CPQ: variants seen among roughly 807,000 people sequenced by gnomAD.
CPQ encodes the protein carboxypeptidase Q, also known as Ser-Met dipeptidase.
A neutral mutation model predicts 45.7 loss-of-function variants in CPQ; 37 were observed. The observed-to-expected ratio is 0.81, with a 90% CI of 0.62 to 1.07. The LOEUF (loss-of-function observed/expected upper bound fraction) is 1.07, where lower values mean the gene tolerates loss of function less well. Among genes scored for constraint, CPQ ranks in the 50% least tolerant of loss-of-function variants. The pLI, the probability that CPQ is intolerant of heterozygous loss-of-function variation, is 0.00. For synonymous variants in CPQ, 186 were observed against 205.8 expected, an observed-to-expected ratio of 0.90 and a Z score of 0.82; for missense variants, 537 against 572.9, an observed-to-expected ratio of 0.94 and a Z score of 0.64.
At chr8:97,121,518 T>C (rs1174738273) in intron 7 of CPQ, among the ~76,000 whole-genome samples, 1 of 152,128 alleles carries the variant, frequency 6.6e-6, no homozygotes, top group Non-Finnish European at 1.5e-5. Flanking sequence ...AAGGATCAAG[T>C]ACATCTAGAG....
intron 1 of CPQ, among the ~76,000 whole-genome samples, chr8:96,674,639 A>G (rs530831944): frequency 3.7e-4 from 56 of 152,290 alleles, no homozygotes; most frequent in Admixed American, 1.8e-3. Flanking sequence ...AAGAGGAAAG[A>G]GATTCAAACA....
chr8:96,738,648 C>A (rs908458186), intron 1 of CPQ, among the ~76,000 whole-genome samples: 2 of 152,000 alleles, frequency 1.3e-5, no homozygotes, highest in African/African-American at 4.8e-5. Context: ...GTGTGATGTT[C>A]CCCTTCCTGT....
chr8:96,719,435 G>C (rs964573951), intron 1 of CPQ, among the ~76,000 whole-genome samples: 1 of 152,150 alleles, frequency 6.6e-6, no homozygotes, highest in Non-Finnish European at 1.5e-5. Context: ...CGCAAGCACC[G>C]CACGCAGTCC....
intron 6 of CPQ, among the ~76,000 whole-genome samples, chr8:97,039,658 A>G (rs1810078047): frequency 7.2e-6 from 1 of 139,388 alleles, no homozygotes; most frequent in Admixed American, 7.4e-5. Context: ...AACAGTCCCC[A>G]GAGTGTGATG....
At chr8:97,042,934 G>C (rs1444371624) in intron 6 of CPQ, among the ~76,000 whole-genome samples, 3 of 151,976 alleles carry the variant, frequency 2.0e-5, no homozygotes, top group Non-Finnish European at 4.4e-5. Context: ...AATCGGTGTG[G>C]TGTGGTGCTG....
At chr8:96,796,378 A>G (rs1810929101) in intron 2 of CPQ, among the ~76,000 whole-genome samples, 1 of 151,862 alleles carries the variant, frequency 6.6e-6, no homozygotes, top group Non-Finnish European at 1.5e-5. Flanking sequence ...ATAATTCATT[A>G]TTAATGAATT....
intron 3 of CPQ, among the ~76,000 whole-genome samples, chr8:96,866,260 A>G (rs1285937018): frequency 6.6e-6 from 1 of 152,058 alleles, no homozygotes; most frequent in Non-Finnish European, 1.5e-5. Context: ...AATTCTGGTA[A>G]TTGGTAAATA....
At chr8:97,049,313 A>C (rs1265453801) in intron 6 of CPQ, among the ~76,000 whole-genome samples, 1 of 152,224 alleles carries the variant, frequency 6.6e-6, no homozygotes, top group Non-Finnish European at 1.5e-5. Context: ...AGTGATATTT[A>C]TGTGAGTACA....
Position 96,741,671 on chromosome 8 carries a change from T to G in CPQ, c.-34-43193T>G, listed in dbSNP as rs546343913. On this transcript the variant is annotated intron_variant, in intron 1 of 7. Coordinates refer to ENST00000220763, the MANE Select transcript of CPQ (RefSeq NM_016134.4). The stretch of plus-strand genomic sequence containing the variant: ...ATGCGTCCCAGAGATTCTGGTATGT[T>G]GTGTCTTTGTTCTCGTTGGTTTCAA... Among the ~76,000 whole-genome samples the G allele has an allele frequency of 7.8e-3, 1,188 of 152,308 alleles. 21 individuals are homozygous for G. Among genetic ancestry groups the G allele is most frequent in the African/African-American group, 0.027 (1,123 of 41,552 alleles).
intron 5 of CPQ, among the ~76,000 whole-genome samples, chr8:96,975,340 A>T (rs552269201): frequency 1.9e-3 from 285 of 152,054 alleles, no homozygotes; most frequent in African/African-American, 6.4e-3. Flanking sequence ...AATGGTAATT[A>T]AAAAAAATTC....
intron 4 of CPQ, among the ~76,000 whole-genome samples, chr8:96,941,876 G>A (rs550279454): frequency 7.9e-5 from 12 of 152,126 alleles, no homozygotes; most frequent in African/African-American, 2.9e-4. Flanking sequence ...TGAATTAAAT[G>A]TAGTCATTTT....
chr8:97,113,457 T>C (rs906933167), intron 7 of CPQ, among the ~76,000 whole-genome samples: 1 of 152,138 alleles, frequency 6.6e-6, no homozygotes. Flanking sequence ...AGCAAATAAT[T>C]AGAATATAGG....
chr8:96,840,779 G>C (rs1811595202), intron 3 of CPQ, among the ~76,000 whole-genome samples: 1 of 152,158 alleles, frequency 6.6e-6, no homozygotes, highest in African/African-American at 2.4e-5. Context: ...TATTCAAAGG[G>C]GGAAGGAGTA....
At chr8:96,814,261 A>T (rs1161143847) in intron 2 of CPQ, among the ~76,000 whole-genome samples, 1 of 152,162 alleles carries the variant, frequency 6.6e-6, no homozygotes, top group Non-Finnish European at 1.5e-5. Flanking sequence ...ATACAAAATC[A>T]CAGGAACTCT....
At chr8:96,937,778 C>G (rs1316187169) in intron 4 of CPQ, among the ~76,000 whole-genome samples, 6 of 152,198 alleles carry the variant, frequency 3.9e-5, no homozygotes, top group African/African-American at 1.4e-4. Flanking sequence ...CCTCTTATTA[C>G]TAAACCTTAC....
chr8:97,036,712 A>C (rs1810012843), intron 6 of CPQ, among the ~76,000 whole-genome samples: 1 of 152,222 alleles, frequency 6.6e-6, no homozygotes, highest in Non-Finnish European at 1.5e-5. Flanking sequence ...GGCATTTGTT[A>C]ATCTTTTCCA....
intron 7 of CPQ, among the ~76,000 whole-genome samples, chr8:97,090,973 T>C (rs1015016237): frequency 6.6e-6 from 1 of 152,198 alleles, no homozygotes; most frequent in African/African-American, 2.4e-5. Context: ...AACACATCTA[T>C]GGCTGGACAA....
At chr8:97,104,500 A>G (rs779722306) in intron 7 of CPQ, among the ~76,000 whole-genome samples, 5 of 152,196 alleles carry the variant, frequency 3.3e-5, no homozygotes, top group South Asian at 2.1e-4. Flanking sequence ...CAACTTCACT[A>G]CTAGGTTATA....
intron 1 of CPQ, among the ~76,000 whole-genome samples, chr8:96,690,092 A>G (rs1293933359): frequency 6.6e-6 from 1 of 151,892 alleles, no homozygotes; most frequent in Non-Finnish European, 1.5e-5. Context: ...GGGCTCTTGT[A>G]TACTTAGTTT....
Sources: allele counts gnomAD v4.1 joint callset (sites outside exome capture counted in the v4.1 genomes callset), GRCh38; gene constraint gnomAD v4.1.1; transcripts MANE v1.5; gene names NCBI Gene and HGNC (gene_info 2026-07-23, HGNC 2026-07-21).